Variants in CELF2 observed in about 807,000 individuals in gnomAD.
CELF2 encodes CUG triplet repeat RNA-binding protein 2.
In CELF2, 8 loss-of-function variants were observed where a neutral mutation model predicts 62.6. The ratio of observed to expected loss-of-function variants is 0.13; its 90% CI spans 0.07 to 0.23. CELF2 has a LOEUF of 0.23. CELF2 is among the 10% of genes least tolerant of loss of function. The pLI is 1.00. For missense variants in CELF2, 333 were observed against 671.0 expected (o/e 0.50, Z 5.56); for synonymous variants, 258 against 250.0 (o/e 1.03, Z -0.30).
Position 11,319,954 on chromosome 10 carries a change from G to GCTGTCCTCCATTCTCATTAGACTTCTTAC in CELF2, c.1097-1232_1097-1204dup. On this transcript the variant is annotated intron_variant, in intron 10 of 12. Transcript: ENST00000633077. This position sits in a 1 kb window ranked among gnomAD's most constrained non-coding sequence, Gnocchi z 4.4. ...GGTGTTTCCAGGCAGCCTTACCTTA[G>GCTGTCCTCCATTCTCATTAGACTTCTTAC]CTGTCCTCCATTCTCATTAGACTTC... The GCTGTCCTCCATTCTCATTAGACTTCTTAC allele has an allele frequency of 2.2e-6, 1 of 457,940 alleles. No homozygotes were observed. Among genetic ancestry groups the GCTGTCCTCCATTCTCATTAGACTTCTTAC allele is most frequent in the Non-Finnish European group, 4.5e-6 (1 of 221,684 alleles). 28.4% of individuals were successfully genotyped at this position (457,940 alleles called of 1,614,324 possible).
chr10:11,134,420 A>G (rs1265145065), intron 1 of CELF2, among the ~76,000 whole-genome samples: 1 of 152,254 alleles, frequency 6.6e-6, no homozygotes, highest in South Asian at 2.1e-4. Context: ...CGGTAGCCAC[A>G]GGGAAGGCTT....
chr10:11,198,612 C>T (rs2058525857), intron 2 of CELF2, among the ~76,000 whole-genome samples: 1 of 152,282 alleles, frequency 6.6e-6, no homozygotes, highest in Admixed American at 6.5e-5. Context: ...GCCATAGTTA[C>T]AGAATGTGGG....
chr10:10,504,198 ATTCTT>A, the CELF2 span, among the ~76,000 whole-genome samples: 1 of 152,080 alleles, frequency 6.6e-6, no homozygotes, highest in South Asian at 2.1e-4. Context: ...CCTGATGCTT[ATTCTT>A]TCATGGTTTT....
intron 1 of CELF2, among the ~76,000 whole-genome samples, chr10:11,135,073 G>A (rs900938778): frequency 6.6e-6 from 1 of 152,136 alleles, no homozygotes; most frequent in Non-Finnish European, 1.5e-5. Context: ...TTGACTTGAT[G>A]CTCTGAGAGG....
intron 1 of CELF2, among the ~76,000 whole-genome samples, chr10:11,060,660 G>A (rs1040899194): frequency 2.0e-5 from 3 of 152,108 alleles, no homozygotes; most frequent in African/African-American, 7.2e-5. Flanking sequence ...ACAAATTGAA[G>A]GTTTATGGTG....
chr10:10,529,493 T>A, the CELF2 span, among the ~76,000 whole-genome samples: 3 of 152,032 alleles, frequency 2.0e-5, no homozygotes, highest in Non-Finnish European at 4.4e-5. Flanking sequence ...AAGACCAGCC[T>A]GGCCAACATG....
intron 2 of CELF2, among the ~76,000 whole-genome samples, chr10:11,173,995 T>C (rs1201147258): frequency 6.6e-6 from 1 of 152,188 alleles, no homozygotes; most frequent in African/African-American, 2.4e-5. Context: ...TTCCGACCCA[T>C]ACTGAGAAAT....
chr10:10,649,880 C>T, the CELF2 span, among the ~76,000 whole-genome samples: 1 of 152,176 alleles, frequency 6.6e-6, no homozygotes, highest in Non-Finnish European at 1.5e-5. Context: ...TGGAGTGCAG[C>T]TGTTCCTCTG....
At position 11,240,981 on chromosome 10, in the gene CELF2, C is replaced by T. The variant is rs77073872; in HGVS notation, c.355-8172C>T. Among the ~76,000 whole-genome samples the T allele has an allele frequency of 1.4e-3, 210 of 152,114 alleles. 5 individuals carry two copies. In the East Asian group the frequency reaches 0.037, roughly 27 times the overall value. On this transcript the variant is annotated intron_variant, in intron 3 of 12. Transcript: ENST00000633077. The stretch of plus-strand genomic sequence containing the variant: ...TCTGCCACCTGCTTGCTGTCTGACT[C>T]GGCCAAGTTATTTAGCCTCTCTCTG...
rs887928336 is a variant in CELF2, at chr10:11,244,012, C to A, written c.355-5141C>A. On this transcript the variant is annotated intron_variant, in intron 3 of 12. Transcript: ENST00000633077. The surrounding 1 kb of genome is among the most constrained non-coding windows in gnomAD (Gnocchi z 4.2). ...CCACCACATCACCTGGGCCCTCCCC[C>A]GTCTCCTGCTGTCTACTGGGACCTG... is the stretch of plus-strand genomic sequence containing the variant. Among the ~76,000 whole-genome samples the A allele has an allele frequency of 6.6e-6, 1 of 152,192 alleles. No homozygotes were observed. Among genetic ancestry groups the A allele is most frequent in the Non-Finnish European group, 1.5e-5 (1 of 68,028 alleles).
chr10:11,264,360 T>G (rs2081572972), intron 5 of CELF2, among the ~76,000 whole-genome samples: 1 of 152,240 alleles, frequency 6.6e-6, no homozygotes, highest in African/African-American at 2.4e-5. Context: ...TTTTACATGT[T>G]TCTTACGCAT....
At chr10:11,301,414 A>AC (rs1159964207) in intron 9 of CELF2, among the ~76,000 whole-genome samples, 1 of 9,302 alleles carries the variant, frequency 1.1e-4, no homozygotes, top group African/African-American at 4.6e-4. Flanking sequence ...CCCCTCCCGC[A>AC]CCCCACCCTG....
chr10:11,025,239 G>GTGTGTATATATATATATATA (rs61580670), intron 1 of CELF2, among the ~76,000 whole-genome samples: 44 of 141,088 alleles, frequency 3.1e-4, no homozygotes, highest in East Asian at 2.4e-3. Flanking sequence ...GTGTGTGTGT[G>GTGTGTATATATATATATATA]TATATGTATG....
Position 11,011,199 on chromosome 10 carries a change from A to G in CELF2, c.53+5759A>G, listed in dbSNP as rs2056402074. 6.6e-6 allele frequency: 1 copy of G among 152,000 alleles called. No individual in the cohort carries two copies. The highest frequency in any genetic ancestry group is 2.1e-4 in the South Asian group (1 of 4,816). The allele number at this position is 152,000 out of a possible 1,614,324, so 9.4% of individuals were successfully genotyped here. A position where few individuals can be genotyped will look rare whatever the true frequency, so the allele number is the denominator to read the frequency against. ...GAAATTAAAGTATGAATTTTTATGC[A>G]TCTCGGGGGCCAAAATAGGTCATAC... is the stretch of plus-strand genomic sequence containing the variant. On this transcript the variant is annotated intron_variant, in intron 1 of 12. Coordinates refer to the CELF2 transcript ENST00000416382. The surrounding 1 kb of genome is among the most constrained non-coding windows in gnomAD (Gnocchi z 4.6).
At chr10:11,027,054 C>T (rs2059335084) in intron 1 of CELF2, among the ~76,000 whole-genome samples, 1 of 152,092 alleles carries the variant, frequency 6.6e-6, no homozygotes, top group East Asian at 1.9e-4. Context: ...CCTCCAACTG[C>T]AATTAGTCAC....
the CELF2 span, among the ~76,000 whole-genome samples, chr10:10,588,005 G>C: frequency 7.0e-6 from 1 of 143,158 alleles, no homozygotes; most frequent in East Asian, 2.1e-4. Flanking sequence ...TGTGAGAAAA[G>C]GTAAAGATGT....
intron 1 of CELF2, among the ~76,000 whole-genome samples, chr10:11,137,059 T>C (rs368702904): frequency 1.3e-5 from 2 of 152,252 alleles, no homozygotes; most frequent in East Asian, 3.8e-4. Flanking sequence ...CTATATGGCA[T>C]ATATGTAAGA....
At chr10:10,948,433 T>G (rs758098211) in intron 2 of CELF2, 10 of 152,130 alleles carry the variant, frequency 6.6e-5, no homozygotes, top group Non-Finnish European at 1.3e-4. Flanking sequence ...GTTTCTAAAT[T>G]TGGGGGCTGC....
intron 1 of CELF2, among the ~76,000 whole-genome samples, chr10:11,009,302 G>C (rs201122): frequency 1.3e-5 from 2 of 151,738 alleles, no homozygotes; most frequent in Admixed American, 1.3e-4. Context: ...CACAGAGATC[G>C]GACTAAGATG....
Sources: allele counts gnomAD v4.1 joint callset (sites outside exome capture counted in the v4.1 genomes callset), GRCh38; gene constraint gnomAD v4.1.1; non-coding constraint Gnocchi (gnomAD v3.1); transcripts MANE v1.5; gene names NCBI Gene and HGNC (gene_info 2026-07-23, HGNC 2026-07-21).